BTRC: variants seen among roughly 807,000 people sequenced by gnomAD.
The protein encoded by BTRC is beta-transducin repeat containing E3 ubiquitin protein ligase, also known as F-box/WD repeat-containing protein 1A.
BTRC carries 42 observed loss-of-function variants against 85.5 expected under a neutral mutation model. The ratio of observed to expected loss-of-function variants is 0.49; its 90% CI spans 0.38 to 0.64. The LOEUF is 0.64. Ranked by LOEUF, BTRC falls within the 30% of genes least tolerant of loss-of-function variation. The pLI is 0.00. For missense variants in BTRC, 594 were observed against 743.5 expected, an observed-to-expected ratio of 0.80 and a Z score of 2.34; for synonymous variants, 255 against 263.3, an observed-to-expected ratio of 0.97 and a Z score of 0.30.
chr10:101,525,928 G>A, intron 5 of BTRC, 85 bp from the exon 6 acceptor site: 1 of 1,297,000 alleles, frequency 7.7e-7, no homozygotes, highest in Non-Finnish European at 1.1e-6. Context: ...CAGAACAAAT[G>A]CTGTTCTGTT....
At chr10:101,474,694 T>C (rs1333803956) in intron 3 of BTRC, among the ~76,000 whole-genome samples, 4 of 152,194 alleles carry the variant, frequency 2.6e-5, no homozygotes, top group Non-Finnish European at 5.9e-5. Flanking sequence ...CTCAAGCCAA[T>C]AGACTGTGGC....
chr10:101,423,665 T>A (rs987937169), intron 1 of BTRC, among the ~76,000 whole-genome samples: 1 of 152,212 alleles, frequency 6.6e-6, no homozygotes, highest in African/African-American at 2.4e-5. Flanking sequence ...GTGTACTCTC[T>A]TGTTAAGGCA....
chr10:101,544,553 G>A (rs1391528765), intron 13 of BTRC, among the ~76,000 whole-genome samples: 2 of 151,908 alleles, frequency 1.3e-5, no homozygotes, highest in African/African-American at 4.8e-5. Context: ...CTACAGGCTT[G>A]TGCCACCATA....
chr10:101,532,752 G>GTA (rs1190000773), intron 8 of BTRC, among the ~76,000 whole-genome samples, 200 bp from the exon 9 acceptor site: 2 of 60,174 alleles, frequency 3.3e-5, no homozygotes, highest in African/African-American at 1.5e-4. Context: ...GAAGCTATAT[G>GTA]TGTGTGTGTG....
chr10:101,420,278 A>G (rs1944064574), intron 1 of BTRC, among the ~76,000 whole-genome samples: 1 of 151,864 alleles, frequency 6.6e-6, no homozygotes, highest in South Asian at 2.1e-4. Context: ...TATTTGATCA[A>G]TCTTCCTGTA....
chr10:101,541,369 C>A (rs1173921217), intron 13 of BTRC, among the ~76,000 whole-genome samples: 2 of 152,086 alleles, frequency 1.3e-5, no homozygotes, highest in Non-Finnish European at 2.9e-5. Flanking sequence ...ACGCCATTCT[C>A]CTGCCTCAGC....
intron 4 of BTRC, among the ~76,000 whole-genome samples, chr10:101,518,469 G>A (rs1296764411): frequency 6.6e-6 from 1 of 152,162 alleles, no homozygotes; most frequent in Non-Finnish European, 1.5e-5. Context: ...AGAATGGAAT[G>A]CAACTTTCTC....
At chr10:101,535,328 C>T (rs1191934804) in intron 10 of BTRC, 26 bp from the exon 11 acceptor site, 2 of 1,564,108 alleles carry the variant, frequency 1.3e-6, no homozygotes, top group South Asian at 2.3e-5. Context: ...ACCAAATCAA[C>T]TGCTCAATGC....
chr10:101,549,712 T>TAAAAAAAAAAAA (rs2062617647), intron 13 of BTRC, among the ~76,000 whole-genome samples: 1 of 12,964 alleles, frequency 7.7e-5, no homozygotes, highest in Non-Finnish European at 1.0e-4. Flanking sequence ...AGACTCTGTC[T>TAAAAAAAAAAAA]CAAAAAAAAA....
intron 3 of BTRC, among the ~76,000 whole-genome samples, chr10:101,473,465 C>CTTTTTTTTTTT (rs869163139): frequency 8.3e-5 from 8 of 96,770 alleles, no homozygotes; most frequent in African/African-American, 2.7e-4. Flanking sequence ...TCTTTTTTCT[C>CTTTTTTTTTTT]TTTTTTTTTT....
chr10:101,463,667 A>C (rs971563530), intron 3 of BTRC, among the ~76,000 whole-genome samples: 3 of 152,058 alleles, frequency 2.0e-5, no homozygotes, highest in South Asian at 2.1e-4. Context: ...TTTAGATATG[A>C]TGTGACTTCC....
chr10:101,393,529 A>G (rs1045022605), intron 1 of BTRC, among the ~76,000 whole-genome samples: 3 of 152,232 alleles, frequency 2.0e-5, no homozygotes, highest in African/African-American at 7.2e-5. Flanking sequence ...TAGGACATAC[A>G]GGGACACATA....
chr10:101,366,766 T>TA (rs1942387955), intron 1 of BTRC, among the ~76,000 whole-genome samples: 1 of 50,910 alleles, frequency 2.0e-5, no homozygotes, highest in East Asian at 4.9e-4. Context: ...CTTAATCTAG[T>TA]TATATATATA....
intron 3 of BTRC, among the ~76,000 whole-genome samples, chr10:101,463,687 A>T (rs918986761): frequency 1.3e-5 from 2 of 152,124 alleles, no homozygotes; most frequent in African/African-American, 4.8e-5. Flanking sequence ...CAATTTATAG[A>T]TGAAGAAAAT....
At chr10:101,443,373 A>G (rs1944741424) in intron 2 of BTRC, among the ~76,000 whole-genome samples, 1 of 152,206 alleles carries the variant, frequency 6.6e-6, no homozygotes, top group Admixed American at 6.5e-5. Context: ...TACACTGAGG[A>G]CAACTCAACA....
intron 1 of BTRC, among the ~76,000 whole-genome samples, chr10:101,424,965 C>T (rs1028824087): frequency 1.3e-5 from 2 of 152,092 alleles, no homozygotes; most frequent in African/African-American, 4.8e-5. Flanking sequence ...GTCCTCCCAC[C>T]TTTTGTATTC....
At chr10:101,423,154 TCCTCCCACCTTGG>T (rs1223635972) in intron 1 of BTRC, among the ~76,000 whole-genome samples, 1 of 152,136 alleles carries the variant, frequency 6.6e-6, no homozygotes, top group Non-Finnish European at 1.5e-5. Context: ...TCTCAAGCAG[TCCTCCCACCTTGG>T]CCTCCCAAAG....
chr10:101,539,726 G>A (rs886224496), intron 13 of BTRC, among the ~76,000 whole-genome samples: 2 of 152,160 alleles, frequency 1.3e-5, no homozygotes, highest in Non-Finnish European at 2.9e-5. Context: ...GTAAGTGTAT[G>A]TTTAAAATTT....
intron 4 of BTRC, among the ~76,000 whole-genome samples, chr10:101,498,806 C>T (rs1194832534): frequency 6.6e-6 from 1 of 152,076 alleles, no homozygotes; most frequent in Non-Finnish European, 1.5e-5. Context: ...GCCTGACCAA[C>T]ATGGTGAAAC....
Sources: gnomAD v4.1 joint callset for allele counts (sites outside exome capture counted in the v4.1 genomes callset) on GRCh38, gnomAD v4.1.1 for gene constraint, MANE v1.5 for transcripts, NCBI Gene and HGNC (gene_info 2026-07-23, HGNC 2026-07-21) for gene names.